Variants in PLEKHH2 observed in about 807,000 individuals in gnomAD.
PLEKHH2 encodes pleckstrin homology, MyTH4 and FERM domain containing H2.
Under a neutral mutation model 187.9 loss-of-function variants are expected in PLEKHH2, and 129 were observed. The observed-to-expected ratio is 0.69, with a 90% CI of 0.59 to 0.79. PLEKHH2 has a LOEUF of 0.79. PLEKHH2 is among the 30% of genes least tolerant of loss of function. The probability of loss-of-function intolerance (pLI) is 0.00; values close to 1 mark genes in which losing one functional copy is unlikely to be tolerated. For synonymous variants in PLEKHH2, 686 were observed against 605.6 expected (o/e 1.13, Z -1.95); for missense variants, 2,076 against 1,751.2 (o/e 1.19, Z -3.31).
chr2:43,758,080 G>A (rs771275650), intron 26 of PLEKHH2, among the ~76,000 whole-genome samples: 6 of 152,124 alleles, frequency 3.9e-5, no homozygotes, highest in East Asian at 1.9e-4. Flanking sequence ...CCAATTTATC[G>A]TGAGCTTTTC....
At chr2:43,647,568 T>A (rs115679801) in intron 2 of PLEKHH2, among the ~76,000 whole-genome samples, 1 of 152,138 alleles carries the variant, frequency 6.6e-6, no homozygotes, top group Admixed American at 6.5e-5. Context: ...TGTGTATGTA[T>A]GTATGTAGTA....
intron 3 of PLEKHH2, among the ~76,000 whole-genome samples, chr2:43,691,553 C>G (rs1474597297): frequency 6.6e-6 from 1 of 152,222 alleles, no homozygotes; most frequent in Non-Finnish European, 1.5e-5. Flanking sequence ...CAATCTGGTT[C>G]AAGGATTTAC....
At chr2:43,676,180 G>C (rs754866040) in intron 2 of PLEKHH2, 15 of 1,613,908 alleles carry the variant, frequency 9.3e-6, no homozygotes, top group Non-Finnish European at 1.2e-5. Context: ...GTTCCTGTTA[G>C]GTGGACGAAG....
At position 43,666,446 on chromosome 2, in the gene PLEKHH2, C is replaced by T. The variant is rs375173094; in HGVS notation, c.124-12417C>T. Among the ~76,000 whole-genome samples the T allele has an allele frequency of 2.6e-4, 39 of 147,222 alleles. No individual in the cohort carries two copies. The East Asian group carries it at 7.2e-3, about 27-fold the overall frequency. On this transcript the variant is annotated intron_variant, in intron 2 of 29. Coordinates refer to ENST00000282406, the MANE Select transcript of PLEKHH2 (RefSeq NM_172069.4). ...AATCACCCGTCTTCTGCGTCGCTCA[C>T]GCTGGGAGCTGTAGACCGGAGCTGT... is the stretch of plus-strand genomic sequence containing the variant.
At chr2:43,749,446 A>C (rs540004153) in intron 24 of PLEKHH2, among the ~76,000 whole-genome samples, 7 of 152,216 alleles carry the variant, frequency 4.6e-5, no homozygotes, top group Non-Finnish European at 8.8e-5. Context: ...CCTTGGGTAC[A>C]TGTTCTCAGG....
At chr2:43,698,460 C>G (rs1191173041) in intron 7 of PLEKHH2, among the ~76,000 whole-genome samples, 1 of 152,124 alleles carries the variant, frequency 6.6e-6, no homozygotes, top group Admixed American at 6.5e-5. Flanking sequence ...GTTGCTCAGG[C>G]TGGCCTTGAG....
At chr2:43,694,702 A>G (rs1204324580) in intron 5 of PLEKHH2, among the ~76,000 whole-genome samples, 188 bp downstream of exon 5, 1 of 152,202 alleles carries the variant, frequency 6.6e-6, no homozygotes, top group Non-Finnish European at 1.5e-5. Flanking sequence ...AATTAAACAT[A>G]TTAATAGACT....
At chr2:43,678,051 A>G (rs1279089027) in intron 2 of PLEKHH2, among the ~76,000 whole-genome samples, 2 of 138,820 alleles carry the variant, frequency 1.4e-5, no homozygotes, top group East Asian at 4.8e-4. Flanking sequence ...CCTGGCAGAG[A>G]CGCTCCTCAC....
chr2:43,718,181 A>C (rs1441824180), intron 15 of PLEKHH2, among the ~76,000 whole-genome samples: 1 of 152,288 alleles, frequency 6.6e-6, no homozygotes, highest in East Asian at 1.9e-4. Flanking sequence ...GTTGCCTTTA[A>C]ATTTTCGTGA....
At chr2:43,646,759 G>A (rs1666202710) in intron 2 of PLEKHH2, among the ~76,000 whole-genome samples, 1 of 150,828 alleles carries the variant, frequency 6.6e-6, no homozygotes, top group Admixed American at 6.6e-5. Flanking sequence ...AACATTGATA[G>A]GAATGTTATT....
At chr2:43,643,292 C>T (rs891616060) in intron 1 of PLEKHH2, among the ~76,000 whole-genome samples, 2 of 152,094 alleles carry the variant, frequency 1.3e-5, no homozygotes, top group African/African-American at 4.8e-5. Context: ...TCCAGCTCTA[C>T]AGTAATATGT....
chr2:43,707,565 A>C lies in PLEKHH2; in HGVS notation c.1966+20A>C. On this transcript the variant is annotated intron_variant, in intron 11 of 29. Coordinates refer to ENST00000282406, the MANE Select transcript of PLEKHH2 (RefSeq NM_172069.4). ...AACGAGGTGAGGGAAAATCGCAGGCATATGAGGCAACTCCAGATCATTCTG... is the reference window on the plus strand; with the variant it reads ...AACGAGGTGAGGGAAAATCGCAGGCCTATGAGGCAACTCCAGATCATTCTG... The C allele has an allele frequency of 6.2e-7, 1 of 1,613,512 alleles. No homozygotes were observed. The highest frequency in any genetic ancestry group is 8.5e-7 in the Non-Finnish European group (1 of 1,179,586).
intron 3 of PLEKHH2, among the ~76,000 whole-genome samples, chr2:43,681,788 G>A (rs750389361): frequency 2.6e-5 from 4 of 152,056 alleles, no homozygotes; most frequent in Non-Finnish European, 5.9e-5. Context: ...TCCCCACCAG[G>A]CCCCATCACC....
intron 17 of PLEKHH2, among the ~76,000 whole-genome samples, chr2:43,728,629 T>C (rs1219720916): frequency 6.7e-6 from 1 of 149,308 alleles, no homozygotes; most frequent in East Asian, 2.0e-4. Context: ...TGGCGTGATC[T>C]CGGCTCACTG....
At chr2:43,683,985 G>A (rs1415624528) in intron 3 of PLEKHH2, among the ~76,000 whole-genome samples, 3 of 152,108 alleles carry the variant, frequency 2.0e-5, no homozygotes, top group African/African-American at 7.2e-5. Flanking sequence ...TTCACCATCA[G>A]CATCCAACAC....
intron 27 of PLEKHH2, among the ~76,000 whole-genome samples, chr2:43,760,179 T>G (rs1672366174): frequency 6.6e-6 from 1 of 152,162 alleles, no homozygotes. Context: ...TCTGTTCTGA[T>G]AAAATGTGCT....
chr2:43,735,613 A>G (rs1444333533), intron 19 of PLEKHH2, among the ~76,000 whole-genome samples: 1 of 152,242 alleles, frequency 6.6e-6, no homozygotes, highest in Non-Finnish European at 1.5e-5. Flanking sequence ...TACAAATGTT[A>G]GAGGTAGTGG....
In PLEKHH2 at chr2:43,743,998, A is replaced by G. The variant is rs563981893; in HGVS notation, c.3555+9A>G. 20 of 1,609,520 alleles carry G rather than the reference A, an allele frequency of 1.2e-5. No homozygotes were observed. The Admixed American group carries it at 2.5e-4, about 20-fold the overall frequency. ...TTCAAGGAAACATCAAGGTGAAACCAAGTCCTTTTCAGGAGCCAAGCCCAA... is the reference window on the plus strand; with the variant it reads ...TTCAAGGAAACATCAAGGTGAAACCGAGTCCTTTTCAGGAGCCAAGCCCAA... On this transcript the variant is annotated intron_variant, in intron 23 of 29. Transcript: ENST00000282406.
Position 43,731,505 on chromosome 2 carries a change from G to T in PLEKHH2, c.2846G>T (p.Arg949Ile). The change falls in exon 19 of 30, where the codon AGA (arginine) becomes ATA (isoleucine). Residue 949 changes from arginine (R) to isoleucine (I), a missense_variant. Coordinates refer to ENST00000282406, the MANE Select transcript of PLEKHH2 (RefSeq NM_172069.4). ...CTGCATTTAGCCTCTCAGATATGGA[G>T]ACACCCCACTTTGTGTCACAGTAAA... ...IDGEPSSQIW[R>I]HPTLCHSKEG... 1 of 1,595,980 alleles carries T rather than the reference G, an allele frequency of 6.3e-7. No individual in the cohort carries two copies. Among genetic ancestry groups the T allele is most frequent in the Non-Finnish European group, 8.6e-7 (1 of 1,164,290 alleles).
Sources: gnomAD v4.1 joint callset for allele counts (sites outside exome capture counted in the v4.1 genomes callset) on GRCh38, gnomAD v4.1.1 for gene constraint, MANE v1.5 for transcripts, NCBI Gene and HGNC (gene_info 2026-07-23, HGNC 2026-07-21) for gene names.